SERPINA6: variants seen among roughly 807,000 people sequenced by gnomAD.
The protein encoded by SERPINA6 is corticosteroid-binding globulin.
Under a neutral mutation model 26.4 loss-of-function variants are expected in SERPINA6, and 19 were observed. The observed-to-expected ratio is 0.72, with a 90% CI of 0.50 to 1.06. The LOEUF is 1.06. Among genes scored for constraint, SERPINA6 ranks in the 50% least tolerant of loss-of-function variants. SERPINA6 has a pLI of 0.00. For synonymous variants in SERPINA6, 196 were observed against 199.4 expected (o/e 0.98, Z 0.14); for missense variants, 473 against 504.0 (o/e 0.94, Z 0.59).
At chr14:94,317,052 C>T (rs1040072623) in intron 1 of SERPINA6, among the ~76,000 whole-genome samples, 19 of 152,174 alleles carry the variant, frequency 1.2e-4, no homozygotes, top group Admixed American at 7.2e-4. Flanking sequence ...TTACATAAGG[C>T]AATTCCCATA....
chr14:94,319,749 C>T (rs543414591), intron 1 of SERPINA6, among the ~76,000 whole-genome samples: 5 of 152,074 alleles, frequency 3.3e-5, no homozygotes, highest in South Asian at 2.1e-4. Flanking sequence ...CTAGAGTAGC[C>T]GAATACCTAG....
intron 2 of SERPINA6, 107 bp from the exon 3 acceptor site, chr14:94,310,113 A>ACATTCCAAGC: frequency 8.9e-7 from 1 of 1,121,200 alleles, no homozygotes; most frequent in Non-Finnish European, 1.3e-6. Context: ...GCATGCTTGG[A>ACATTCCAAGC]ATGTCCCCAT....
At chr14:94,319,348 C>A (rs1177969186) in intron 1 of SERPINA6, among the ~76,000 whole-genome samples, 2 of 152,134 alleles carry the variant, frequency 1.3e-5, no homozygotes, top group Non-Finnish European at 2.9e-5. Flanking sequence ...AACCCTTATG[C>A]ATTGCTGGTA....
intron 1 of SERPINA6, among the ~76,000 whole-genome samples, chr14:94,316,047 G>C (rs1895609320): frequency 6.6e-6 from 1 of 152,120 alleles, no homozygotes; most frequent in Non-Finnish European, 1.5e-5. Context: ...CATTCCATAA[G>C]TTTTGGTATG....
In SERPINA6 at chr14:94,309,889, T is replaced by C. The variant is rs1325477013; in HGVS notation, c.731A>G (p.His244Arg). The C allele has an allele frequency of 5.0e-6, 8 of 1,614,218 alleles. No homozygotes were observed. The East Asian group carries it at 1.3e-4, about 27-fold the overall frequency. ...MLQSSTISYL[H>R]DSELPCQLVQ... ...CAGCTGGCAGGGGAGCTCCGAGTCATGAAGGTAACTGATGGTGCTCGACTG... is the reference window on the plus strand; with the variant it reads ...CAGCTGGCAGGGGAGCTCCGAGTCACGAAGGTAACTGATGGTGCTCGACTG... Residue 244 changes from histidine (H) to arginine (R), a missense_variant, in exon 3 of 5, where the codon CAT becomes CGT. Coordinates refer to ENST00000341584, the MANE Select transcript of SERPINA6 (RefSeq NM_001756.4).
intron 1 of SERPINA6, among the ~76,000 whole-genome samples, chr14:94,315,447 T>C (rs1214721305): frequency 3.3e-5 from 5 of 152,256 alleles, no homozygotes. Context: ...TTTATTTATC[T>C]CTGCTCTAAT....
chr14:94,314,058 C>T lies in SERPINA6; in HGVS notation c.591G>A (p.Leu197=), dbSNP rs1393342036. 1 of 1,614,148 alleles carries T rather than the reference C, an allele frequency of 6.2e-7. No individual in the cohort carries two copies. Among genetic ancestry groups the T allele is most frequent in the East Asian group, 2.2e-5 (1 of 44,880 alleles). ...SGLDSPAILV[L]VNYIFFKGTW... is the part of the protein sequence containing the mutation. ...TACCTTTGAAGAAGATATAGTTGAC[C>T]AGGACGAGGATGGCTGGGCTATCCA... The change falls in exon 2 of 5, where the codon CTG becomes CTA. Residue 197 remains leucine, a synonymous_variant. Coordinates refer to ENST00000341584, the MANE Select transcript of SERPINA6 (RefSeq NM_001756.4).
intron 3 of SERPINA6, 72 bp downstream of exon 3, chr14:94,309,664 T>A: frequency 3.2e-6 from 5 of 1,557,688 alleles, no homozygotes; most frequent in Non-Finnish European, 4.4e-6. Flanking sequence ...CCCAGCATAC[T>A]CCCTTTCCAC....
In SERPINA6 at chr14:94,314,379, G is replaced by C. The variant is rs1193440366; in HGVS notation, c.270C>G (p.Leu90=). 1.9e-6 allele frequency: 3 copies of C among 1,614,132 alleles called. No homozygotes were observed. In the South Asian group the frequency reaches 3.3e-5, roughly 18 times the overall value. ...GTCGHTRAQL[L]QGLGFNLTER... The stretch of plus-strand genomic sequence containing the variant: ...CAGTGAGGTTGAAACCCAGGCCCTG[G>C]AGAAGCTGGGCCCGTGTGTGGCCAC... Residue 90 remains leucine, a synonymous_variant, in exon 2 of 5, where the codon CTC becomes CTG. Transcript: ENST00000341584.
At chr14:94,309,594 G>A in intron 3 of SERPINA6, 142 bp downstream of exon 3, 1 of 876,544 alleles carries the variant, frequency 1.1e-6, no homozygotes, top group South Asian at 1.4e-5. Flanking sequence ...TACAGCCTTT[G>A]GGGGCCCAGC....
chr14:94,306,732 C>T (rs1033600728), intron 3 of SERPINA6, among the ~76,000 whole-genome samples: 2 of 152,172 alleles, frequency 1.3e-5, no homozygotes, highest in Non-Finnish European at 2.9e-5. Context: ...CAGGTGGGTG[C>T]GAAATCTCTG....
Position 94,309,992 on chromosome 14 carries a change from G to A in SERPINA6, c.628C>T (p.Pro210Ser), listed in dbSNP as rs1283017247. The A allele has an allele frequency of 1.2e-6, 2 of 1,614,112 alleles. No homozygotes were observed. The highest frequency in any genetic ancestry group is 2.2e-5 in the South Asian group (2 of 91,086). Reference protein sequence around the residue: ...YIFFKGTWTQPFDLASTREEN... With the variant: ...YIFFKGTWTQSFDLASTREEN... The stretch of plus-strand genomic sequence containing the variant: ...TCCCTGGTGCTTGCCAGGTCAAAGG[G>A]CTGTGTCCATGTGCCTAGGAAGAGG... Residue 210 changes from proline to serine, a missense_variant, in exon 3 of 5, where the codon CCC (proline) becomes TCC (serine). Coordinates refer to ENST00000341584, the MANE Select transcript of SERPINA6 (RefSeq NM_001756.4).
chr14:94,320,848 A>C (rs1457472060), intron 1 of SERPINA6, among the ~76,000 whole-genome samples: 1 of 152,164 alleles, frequency 6.6e-6, no homozygotes, highest in Non-Finnish European at 1.5e-5. Flanking sequence ...TCTCTGCTTT[A>C]GATAATAGAG....
chr14:94,305,248 G>C (rs1895420642), intron 4 of SERPINA6, among the ~76,000 whole-genome samples: 1 of 152,204 alleles, frequency 6.6e-6, no homozygotes, highest in South Asian at 2.1e-4. Flanking sequence ...GGCTCTGTGA[G>C]TGGCACCCAT....
chr14:94,315,767 A>C (rs1260013286), intron 1 of SERPINA6, among the ~76,000 whole-genome samples: 1 of 152,206 alleles, frequency 6.6e-6, no homozygotes, highest in Non-Finnish European at 1.5e-5. Context: ...ATATTAATAA[A>C]GTTTTCAGTA....
At position 94,309,957 on chromosome 14, in the gene SERPINA6, G is replaced by C; in HGVS notation, c.663C>G (p.Phe221Leu). 1 of 1,614,148 alleles carries C rather than the reference G, an allele frequency of 6.2e-7. No homozygotes were observed. The highest frequency in any genetic ancestry group is 8.5e-7 in the Non-Finnish European group (1 of 1,180,028). The change falls in exon 3 of 5, where the codon TTC (phenylalanine) becomes TTG (leucine). Residue 221 changes from phenylalanine (F) to leucine (L), a missense_variant. Coordinates refer to ENST00000341584, the MANE Select transcript of SERPINA6 (RefSeq NM_001756.4). ...FDLASTREEN[F>L]YVDETTVVKV... ...TCACCACAGTTGTCTCGTCCACATA[G>C]AAGTTCTCCTCCCTGGTGCTTGCCA...
intron 1 of SERPINA6, among the ~76,000 whole-genome samples, chr14:94,321,531 G>A (rs983407976): frequency 6.6e-6 from 1 of 152,138 alleles, no homozygotes; most frequent in Non-Finnish European, 1.5e-5. Flanking sequence ...ATCACTATAG[G>A]GCAGGTTACA....
rs202107375 is a variant in SERPINA6, at chr14:94,314,278, T to C, written c.371A>G (p.Glu124Gly). 1.7e-5 allele frequency: 28 copies of C among 1,614,074 alleles called. No homozygotes were observed. The East Asian group carries it at 5.8e-4, about 33-fold the overall frequency. The change falls in exon 2 of 5, where the codon GAA becomes GGA. Residue 124 changes from glutamate (E) to glycine (G), a missense_variant. Coordinates refer to ENST00000341584, the MANE Select transcript of SERPINA6 (RefSeq NM_001756.4). Reference protein sequence around the residue: ...QLFAKSDTSLEMTMGNALFLD... With the variant: ...QLFAKSDTSLGMTMGNALFLD... ...AAACAAGGCATTGCCCATGGTCATT[T>C]CTAAGCTGGTGTCTGACTTTGCAAA...
At chr14:94,306,808 A>C (rs113134724) in intron 3 of SERPINA6, among the ~76,000 whole-genome samples, 1 of 152,210 alleles carries the variant, frequency 6.6e-6, no homozygotes. Context: ...GTTTCTAGAA[A>C]GGTAAGTGGG....
Sources: gnomAD v4.1 joint callset for allele counts (sites outside exome capture counted in the v4.1 genomes callset) on GRCh38, gnomAD v4.1.1 for gene constraint, MANE v1.5 for transcripts, NCBI Gene and HGNC (gene_info 2026-07-23, HGNC 2026-07-21) for gene names.